FTCDNL1: variants seen among roughly 807,000 people sequenced by gnomAD.
The protein encoded by FTCDNL1 is formiminotransferase cyclodeaminase N-terminal like, also known as formiminotransferase N-terminal subdomain-containing protein.
A neutral mutation model predicts 5.9 loss-of-function variants in FTCDNL1; 11 were observed. The observed-to-expected ratio is 1.87, with a 90% CI of 1.18 to 3.10. The LOEUF (loss-of-function observed/expected upper bound fraction) is 3.10. FTCDNL1 is among the 30% of genes most tolerant of loss of function. The probability of loss-of-function intolerance (pLI) is 0.00; values close to 1 mark genes in which losing one functional copy is unlikely to be tolerated. For synonymous variants in FTCDNL1, 58 were observed against 24.8 expected, an observed-to-expected ratio of 2.34 and a Z score of -3.99; for missense variants, 115 against 65.5, an observed-to-expected ratio of 1.76 and a Z score of -2.61.
At chr2:199,778,554 C>A (rs1381601015) in intron 3 of FTCDNL1, among the ~76,000 whole-genome samples, 2 of 152,132 alleles carry the variant, frequency 1.3e-5, no homozygotes, top group Non-Finnish European at 2.9e-5. Flanking sequence ...TTCTAGGGAG[C>A]CAGCAGGGTG....
the FTCDNL1 span, among the ~76,000 whole-genome samples, chr2:199,675,994 C>T: frequency 2.6e-5 from 4 of 152,268 alleles, no homozygotes; most frequent in South Asian, 8.3e-4. Context: ...TCAAGTGATC[C>T]TCCTGCCTTA....
At chr2:199,688,488 T>A in the FTCDNL1 span, among the ~76,000 whole-genome samples, 1 of 152,186 alleles carries the variant, frequency 6.6e-6, no homozygotes, top group East Asian at 2.0e-4. Context: ...ATTCTGACCC[T>A]GATTCAGGCT....
At chr2:199,665,634 TAAAA>T in the FTCDNL1 span, among the ~76,000 whole-genome samples, 6 of 126,900 alleles carry the variant, frequency 4.7e-5, no homozygotes, top group Admixed American at 7.9e-5. Context: ...AACTTCGTCT[TAAAA>T]AAAAAAAAAA....
At chr2:199,828,585 G>A (rs1702172367) in intron 3 of FTCDNL1, among the ~76,000 whole-genome samples, 1 of 152,120 alleles carries the variant, frequency 6.6e-6, no homozygotes, top group Non-Finnish European at 1.5e-5. Context: ...TCATATTTGT[G>A]TCCTCCCTCT....
the FTCDNL1 span, among the ~76,000 whole-genome samples, chr2:199,739,488 C>T: frequency 1.3e-5 from 2 of 152,176 alleles, no homozygotes; most frequent in Non-Finnish European, 2.9e-5. Flanking sequence ...ATCCAAGTCA[C>T]CACACTGTGG....
chr2:199,815,430 C>T (rs560607901), intron 4 of FTCDNL1, among the ~76,000 whole-genome samples: 19 of 152,076 alleles, frequency 1.2e-4, no homozygotes, highest in African/African-American at 4.6e-4. Flanking sequence ...CAGTTGATAG[C>T]GCCAATCATT....
chr2:199,825,987 C>T (rs914944351), intron 3 of FTCDNL1, among the ~76,000 whole-genome samples: 2 of 142,552 alleles, frequency 1.4e-5, no homozygotes, highest in Non-Finnish European at 3.2e-5. Context: ...GTGCTCCAGC[C>T]ATAACTTAGT....
chr2:199,835,136 C>G (rs1477858924), intron 3 of FTCDNL1, among the ~76,000 whole-genome samples: 1 of 152,062 alleles, frequency 6.6e-6, no homozygotes, highest in Non-Finnish European at 1.5e-5. Flanking sequence ...TAGGATTGCA[C>G]TACTGCACTC....
At chr2:199,678,327 T>A in the FTCDNL1 span, among the ~76,000 whole-genome samples, 4 of 152,112 alleles carry the variant, frequency 2.6e-5, no homozygotes, top group Non-Finnish European at 1.5e-5. Context: ...ATAGATAGAT[T>A]ATCTTTTTAG....
At chr2:199,713,033 CTTCTGAAATAA>C in the FTCDNL1 span, among the ~76,000 whole-genome samples, 1 of 152,158 alleles carries the variant, frequency 6.6e-6, no homozygotes, top group Non-Finnish European at 1.5e-5. Flanking sequence ...TAGAAAACTG[CTTCTGAAATAA>C]TTCTGTAATG....
chr2:199,764,861 C>T (rs1234309282), intron 3 of FTCDNL1, among the ~76,000 whole-genome samples: 4 of 152,274 alleles, frequency 2.6e-5, no homozygotes, highest in East Asian at 1.9e-4. Context: ...CTCCTGCACC[C>T]GCTTCCCTAC....
At chr2:199,786,765 T>G (rs1699671478) in intron 3 of FTCDNL1, among the ~76,000 whole-genome samples, 1 of 152,234 alleles carries the variant, frequency 6.6e-6, no homozygotes, top group Non-Finnish European at 1.5e-5. Flanking sequence ...GCACATTGTA[T>G]TAAATTTTCT....
chr2:199,766,331 T>C (rs967797386), intron 3 of FTCDNL1, among the ~76,000 whole-genome samples: 1 of 152,220 alleles, frequency 6.6e-6, no homozygotes, highest in Non-Finnish European at 1.5e-5. Context: ...AACTTAAAGC[T>C]GACAGGATAT....
chr2:199,697,799 C>CTGG, the FTCDNL1 span, among the ~76,000 whole-genome samples: 1 of 152,136 alleles, frequency 6.6e-6, no homozygotes, highest in Non-Finnish European at 1.5e-5. Flanking sequence ...TTAAAAGTAC[C>CTGG]TGGCCTAAAT....
downstream of FTCDNL1, among the ~76,000 whole-genome samples, chr2:199,808,556 A>T (rs1346517230): frequency 6.6e-6 from 1 of 152,156 alleles, no homozygotes. Context: ...CATTAAAAAG[A>T]TGTTTGGTTT....
intron 3 of FTCDNL1, among the ~76,000 whole-genome samples, chr2:199,844,910 AT>A (rs1161874092): frequency 1.3e-5 from 2 of 151,418 alleles, no homozygotes; most frequent in Non-Finnish European, 1.5e-5. Flanking sequence ...CACAAACATA[AT>A]TTTTTTTTAT....
At chr2:199,837,036 C>T (rs914657600) in intron 3 of FTCDNL1, among the ~76,000 whole-genome samples, 5 of 152,200 alleles carry the variant, frequency 3.3e-5, no homozygotes, top group Non-Finnish European at 7.3e-5. Context: ...TGGCTGGGTT[C>T]ATCCATAACT....
chr2:199,818,495 T>A (rs1701487979), intron 4 of FTCDNL1: 1 of 152,126 alleles, frequency 6.6e-6, no homozygotes. Context: ...ATTACGTCCG[T>A]TTTATAGATA....
intron 3 of FTCDNL1, among the ~76,000 whole-genome samples, chr2:199,786,826 C>G: frequency 6.6e-6 from 1 of 152,184 alleles, no homozygotes; most frequent in South Asian, 2.1e-4. Flanking sequence ...TGGAACCACA[C>G]AAATTTGTTA....
Sources: allele counts gnomAD v4.1 joint callset (sites outside exome capture counted in the v4.1 genomes callset), GRCh38; gene constraint gnomAD v4.1.1; transcripts MANE v1.5; gene names NCBI Gene and HGNC (gene_info 2026-07-23, HGNC 2026-07-21).